Variants in TBL1XR1 observed in about 807,000 individuals in gnomAD.
The protein encoded by TBL1XR1 is F-box-like/WD repeat-containing protein TBL1XR1.
In TBL1XR1, 5 loss-of-function variants were observed where a neutral mutation model predicts 66.9. The ratio of observed to expected loss-of-function variants is 0.07; its 90% confidence interval spans 0.04 to 0.16. The LOEUF (loss-of-function observed/expected upper bound fraction) is 0.16, where lower values mean the gene tolerates loss of function less well. TBL1XR1 is among the 10% of genes least tolerant of loss of function. TBL1XR1 has a pLI of 1.00. For missense variants in TBL1XR1, 238 were observed against 623.2 expected (o/e 0.38, Z 6.58); for synonymous variants, 210 against 206.0 (o/e 1.02, Z -0.17).
chr3:177,104,410 G>A (rs767482258), intron 1 of TBL1XR1, among the ~76,000 whole-genome samples: 14 of 152,112 alleles, frequency 9.2e-5, no homozygotes, highest in South Asian at 4.2e-4. Context: ...CTACGCATAC[G>A]TCAAAGCCTC....
At chr3:177,098,607 T>C in intron 1 of TBL1XR1, 66 bp from the exon 2 acceptor site, 1 of 788,910 alleles carries the variant, frequency 1.3e-6, no homozygotes, top group African/African-American at 1.9e-5. Flanking sequence ...AGATTTTCCA[T>C]ACCAAATGTT....
intron 1 of TBL1XR1, among the ~76,000 whole-genome samples, chr3:177,165,678 G>T (rs1732738026): frequency 6.6e-6 from 1 of 152,116 alleles, no homozygotes; most frequent in African/African-American, 2.4e-5. Flanking sequence ...CTCTGACAAA[G>T]TAACAAAGAC....
intron 2 of TBL1XR1, among the ~76,000 whole-genome samples, chr3:177,069,069 T>G (rs1229128887): frequency 2.6e-5 from 4 of 152,216 alleles, no homozygotes; most frequent in African/African-American, 4.8e-5. Context: ...TATATGATTT[T>G]AGACAAGTGA....
At chr3:177,179,488 T>C (rs1245940161) in intron 1 of TBL1XR1, among the ~76,000 whole-genome samples, 4 of 152,304 alleles carry the variant, frequency 2.6e-5, no homozygotes, top group African/African-American at 4.8e-5. Context: ...TCTAACTAAA[T>C]TCTTAAGAGA....
intron 1 of TBL1XR1, among the ~76,000 whole-genome samples, chr3:177,151,849 C>T (rs1730925891): frequency 6.6e-6 from 1 of 152,180 alleles, no homozygotes; most frequent in Non-Finnish European, 1.5e-5. Flanking sequence ...CACGGTGAAA[C>T]CCTGTCTCTA....
chr3:177,059,531 C>T (rs1223456329), intron 3 of TBL1XR1, among the ~76,000 whole-genome samples: 6 of 151,788 alleles, frequency 4.0e-5, no homozygotes, highest in African/African-American at 1.5e-4. Flanking sequence ...ATAATCATCT[C>T]AAAAAACAAA....
Position 177,061,806 on chromosome 3 carries a change from T to C in TBL1XR1, c.58+3114A>G, listed in dbSNP as rs1163715626. On this transcript the variant is annotated intron_variant, in intron 3 of 15. Coordinates refer to ENST00000457928, the MANE Select transcript of TBL1XR1 (RefSeq NM_024665.7). ...ATCATTTGTAGGTTGTGGTGATAAA[T>C]ATGATGAATCCCCAAAACAACCCAG... 2.0e-5 allele frequency among the ~76,000 whole-genome samples: 3 copies of C among 152,204 alleles called. No homozygotes were observed. In the East Asian group the frequency reaches 5.8e-4, roughly 29 times the overall value.
intron 2 of TBL1XR1, among the ~76,000 whole-genome samples, chr3:177,098,195 A>G (rs1198595974): frequency 6.7e-6 from 1 of 150,234 alleles, no homozygotes; most frequent in Non-Finnish European, 1.5e-5. Flanking sequence ...CTGGCCAACA[A>G]GAACGAAACT....
chr3:177,061,769 T>C (rs1718542256), intron 3 of TBL1XR1, among the ~76,000 whole-genome samples: 1 of 152,238 alleles, frequency 6.6e-6, no homozygotes, highest in Admixed American at 6.5e-5. Context: ...GAATGACTAA[T>C]TCTCAATAAG....
intron 7 of TBL1XR1, 73 bp downstream of exon 7, chr3:177,049,924 C>T (rs1297299577): frequency 6.5e-7 from 1 of 1,527,228 alleles, no homozygotes. Flanking sequence ...TAGACAAACC[C>T]TGCCGTGAGT....
chr3:177,075,632 TAGAC>T (rs776144818), intron 2 of TBL1XR1, among the ~76,000 whole-genome samples: 9 of 152,204 alleles, frequency 5.9e-5, no homozygotes, highest in Non-Finnish European at 8.8e-5. Flanking sequence ...CCAATCTAAA[TAGAC>T]AGACCCCTCT....
At chr3:177,037,919 G>T (rs1175299702) in intron 12 of TBL1XR1, 179 bp downstream of exon 12, 2 of 566,528 alleles carry the variant, frequency 3.5e-6, no homozygotes. Context: ...ATAGTTTTAT[G>T]TATTTCAGAA....
intron 2 of TBL1XR1, among the ~76,000 whole-genome samples, chr3:177,097,026 A>G (rs1385375580): frequency 1.3e-5 from 2 of 152,210 alleles, no homozygotes; most frequent in Non-Finnish European, 2.9e-5. Flanking sequence ...ATAGGAATTC[A>G]GAAGAGTTTA....
chr3:177,058,215 T>A (rs1718054267), intron 3 of TBL1XR1, among the ~76,000 whole-genome samples: 1 of 152,180 alleles, frequency 6.6e-6, no homozygotes, highest in African/African-American at 2.4e-5. Context: ...AGGTCCTATA[T>A]AAGCTTCAAG....
chr3:177,095,990 A>G (rs923871564), intron 2 of TBL1XR1, among the ~76,000 whole-genome samples: 7 of 152,202 alleles, frequency 4.6e-5, no homozygotes, highest in Non-Finnish European at 1.0e-4. Flanking sequence ...GTACCCTAAA[A>G]TAAGTACAAC....
At chr3:177,084,190 T>C (rs1254878015) in intron 2 of TBL1XR1, among the ~76,000 whole-genome samples, 1 of 152,124 alleles carries the variant, frequency 6.6e-6, no homozygotes, top group East Asian at 1.9e-4. Flanking sequence ...CAAACGTATG[T>C]ACCTGAGTAA....
At chr3:177,155,288 A>G (rs1414672429) in intron 1 of TBL1XR1, among the ~76,000 whole-genome samples, 1 of 152,202 alleles carries the variant, frequency 6.6e-6, no homozygotes, top group African/African-American at 2.4e-5. Context: ...GAACAAATCA[A>G]TAAAACTGAT....
At chr3:177,171,199 G>T (rs1733447970) in intron 1 of TBL1XR1, among the ~76,000 whole-genome samples, 1 of 151,800 alleles carries the variant, frequency 6.6e-6, no homozygotes, top group Non-Finnish European at 1.5e-5. Context: ...AATTAGCCAG[G>T]TGTGGTGGCA....
intron 10 of TBL1XR1, among the ~76,000 whole-genome samples, chr3:177,039,793 A>G (rs1026015447): frequency 6.6e-5 from 10 of 152,220 alleles, no homozygotes; most frequent in Non-Finnish European, 1.2e-4. Flanking sequence ...GATCAAAGGA[A>G]GACATACAAA....
Sources: allele counts gnomAD v4.1 joint callset (sites outside exome capture counted in the v4.1 genomes callset), GRCh38; gene constraint gnomAD v4.1.1; transcripts MANE v1.5; gene names NCBI Gene and HGNC (gene_info 2026-07-23, HGNC 2026-07-21).